The following ERBB4 variants were observed in gnomAD, a reference collection of about 807,000 sequenced individuals.
The protein encoded by ERBB4 is receptor tyrosine-protein kinase erbB-4.
A neutral mutation model predicts 158.0 loss-of-function variants in ERBB4; 42 were observed. The ratio of observed to expected loss-of-function variants is 0.27; its 90% CI spans 0.21 to 0.34. The LOEUF is 0.34. Ranked by LOEUF, ERBB4 falls within the 10% of genes least tolerant of loss-of-function variation. The pLI is 1.00. For synonymous variants in ERBB4, 583 were observed against 558.7 expected, an observed-to-expected ratio of 1.04 and a Z score of -0.61; for missense variants, 1,333 against 1,624.1, an observed-to-expected ratio of 0.82 and a Z score of 3.08.
intron 2 of ERBB4, among the ~76,000 whole-genome samples, chr2:212,101,214 C>T (rs906535566): frequency 2.0e-5 from 3 of 151,710 alleles, no homozygotes; most frequent in African/African-American, 7.3e-5. Context: ...AGAAAAAGAA[C>T]ATTCCAGTGT....
At chr2:212,216,711 C>T (rs2083110315) in intron 1 of ERBB4, among the ~76,000 whole-genome samples, 1 of 151,288 alleles carries the variant, frequency 6.6e-6, no homozygotes, top group Admixed American at 6.6e-5. Flanking sequence ...CTGTTATCTA[C>T]TATAATTGTT....
intron 6 of ERBB4, 149 bp downstream of exon 6, chr2:211,724,927 G>T (rs2074218688): frequency 1.4e-6 from 1 of 695,238 alleles, no homozygotes; most frequent in Non-Finnish European, 2.7e-6. Flanking sequence ...CCTAGTGAGG[G>T]AATGACTTTG....
At chr2:212,362,070 T>C (rs973848793) in intron 1 of ERBB4, among the ~76,000 whole-genome samples, 14 of 151,602 alleles carry the variant, frequency 9.2e-5, no homozygotes, top group African/African-American at 3.1e-4. Context: ...AGACAAATTG[T>C]ATAATTGAAA....
At chr2:212,009,435 G>A (rs2076333790) in intron 2 of ERBB4, among the ~76,000 whole-genome samples, 3 of 151,436 alleles carry the variant, frequency 2.0e-5, no homozygotes, top group South Asian at 2.1e-4. Flanking sequence ...GAAGGGGCAA[G>A]AACATATTCT....
intron 1 of ERBB4, among the ~76,000 whole-genome samples, chr2:212,153,889 A>T (rs973041329): frequency 5.9e-5 from 9 of 152,134 alleles, no homozygotes; most frequent in African/African-American, 2.2e-4. Context: ...CCAGTTTTTT[A>T]AAAAAGGCAG....
chr2:212,235,282 T>C (rs1002129698), intron 1 of ERBB4, among the ~76,000 whole-genome samples: 1 of 152,168 alleles, frequency 6.6e-6, no homozygotes, highest in African/African-American at 2.4e-5. Context: ...GATCAGATGA[T>C]TGTATATGTG....
At chr2:211,422,152 G>A (rs1559151572) in intron 23 of ERBB4, 48 bp from the exon 24 acceptor site, 2 of 1,204,572 alleles carry the variant, frequency 1.7e-6, no homozygotes, top group African/African-American at 3.0e-5. Flanking sequence ...AACTAGAAAG[G>A]AGTTGAAATT....
At chr2:212,388,851 T>A (rs1465080637) in intron 1 of ERBB4, among the ~76,000 whole-genome samples, 1 of 152,098 alleles carries the variant, frequency 6.6e-6, no homozygotes, top group Non-Finnish European at 1.5e-5. Context: ...AAGAATTTAT[T>A]TTCTAATTTC....
At chr2:212,062,947 G>T (rs950533820) in intron 2 of ERBB4, among the ~76,000 whole-genome samples, 1 of 152,094 alleles carries the variant, frequency 6.6e-6, no homozygotes, top group African/African-American at 2.4e-5. Context: ...AACAAAAAAG[G>T]ATTGTAGTAC....
Position 211,415,107 on chromosome 2 carries a change from C to CTTTTTT in ERBB4, c.3135+5328_3135+5333dup, listed in dbSNP as rs71047175. On this transcript the variant is annotated intron_variant, in intron 25 of 27. Coordinates refer to ENST00000342788, the MANE Select transcript of ERBB4 (RefSeq NM_005235.3). Reference sequence around the variant, plus strand: ...CAAATCCCATTGAAACTTACATTTTCTTTTTTTTTTTTTTTTTTTTTTTTT... The same window carrying CTTTTTT: ...CAAATCCCATTGAAACTTACATTTTCTTTTTTTTTTTTTTTTTTTTTTTTTTTTTTT... Among the ~76,000 whole-genome samples the CTTTTTT allele has an allele frequency of 2.5e-3, 180 of 72,556 alleles. 23 individuals are homozygous for CTTTTTT. The highest frequency in any genetic ancestry group is 5.2e-3 in the African/African-American group (95 of 18,170). 47.6% of individuals were successfully genotyped at this position (72,556 alleles called of 152,430 possible).
intron 1 of ERBB4, among the ~76,000 whole-genome samples, chr2:212,204,816 CT>C (rs369446940): frequency 0.029 from 3,557 of 122,160 alleles, 100 homozygotes; most frequent in African/African-American, 0.09. Flanking sequence ...TATATGAAAA[CT>C]TTTTTTTTTT....
intron 1 of ERBB4, among the ~76,000 whole-genome samples, chr2:212,258,171 A>G (rs1361607109): frequency 6.6e-6 from 1 of 152,154 alleles, no homozygotes; most frequent in Non-Finnish European, 1.5e-5. Context: ...GATTTTTAAA[A>G]AAATTTCAAG....
chr2:211,874,777 T>C (rs2078448657), intron 3 of ERBB4, among the ~76,000 whole-genome samples: 1 of 152,198 alleles, frequency 6.6e-6, no homozygotes, highest in Admixed American at 6.5e-5. Context: ...AGATGAGGCA[T>C]TTGTTTTTCA....
intron 2 of ERBB4, among the ~76,000 whole-genome samples, chr2:212,017,752 C>T (rs140696006): frequency 6.6e-6 from 1 of 152,056 alleles, no homozygotes; most frequent in Non-Finnish European, 1.5e-5. Context: ...CTCTGGCCTA[C>T]AGTGGATATA....
chr2:211,590,426 C>T (rs185546550), intron 19 of ERBB4, among the ~76,000 whole-genome samples: 71 of 152,326 alleles, frequency 4.7e-4, no homozygotes, highest in Non-Finnish European at 8.7e-4. Context: ...CCCTAAACTG[C>T]TCCTAAGATC....
At chr2:212,453,202 G>C (rs566829968) in intron 1 of ERBB4, among the ~76,000 whole-genome samples, 28 of 152,248 alleles carry the variant, frequency 1.8e-4, no homozygotes, top group Admixed American at 1.5e-3. Context: ...AACTCTATAG[G>C]TGTTGCTTCT....
chr2:211,953,994 C>T (rs549204915), intron 2 of ERBB4, among the ~76,000 whole-genome samples: 38 of 152,040 alleles, frequency 2.5e-4, no homozygotes, highest in African/African-American at 6.0e-4. Context: ...TTAGATGGGA[C>T]GGTATTGGCT....
intron 1 of ERBB4, among the ~76,000 whole-genome samples, chr2:212,399,589 G>A (rs1359710238): frequency 1.6e-5 from 2 of 121,726 alleles, no homozygotes; most frequent in Admixed American, 8.9e-5. Flanking sequence ...TATATATTGG[G>A]CGTGGTGTCT....
chr2:212,207,834 C>T (rs932046958), intron 1 of ERBB4, among the ~76,000 whole-genome samples: 1 of 152,014 alleles, frequency 6.6e-6, no homozygotes, highest in Non-Finnish European at 1.5e-5. Context: ...TAGACTAGGA[C>T]CTAATTTTTT....
Sources: allele counts gnomAD v4.1 joint callset (sites outside exome capture counted in the v4.1 genomes callset), GRCh38; gene constraint gnomAD v4.1.1; transcripts MANE v1.5; gene names NCBI Gene and HGNC (gene_info 2026-07-23, HGNC 2026-07-21).